Variants in NVL observed in about 807,000 individuals in gnomAD.
The protein encoded by NVL is nuclear VCP like.
In NVL, 84 loss-of-function variants were observed where a neutral mutation model predicts 110.2. That is an observed-to-expected ratio of 0.76 (90% CI 0.64 to 0.91). The LOEUF is 0.91. Among genes scored for constraint, NVL ranks in the 40% least tolerant of loss-of-function variants. The pLI is 0.00. For synonymous variants in NVL, 354 were observed against 361.1 expected, an observed-to-expected ratio of 0.98 and a Z score of 0.22; for missense variants, 882 against 1,035.9, an observed-to-expected ratio of 0.85 and a Z score of 2.04.
chr1:224,246,044 T>C (rs1261427545), intron 19 of NVL, among the ~76,000 whole-genome samples: 1 of 152,174 alleles, frequency 6.6e-6, no homozygotes, highest in African/African-American at 2.4e-5. Context: ...TTTTTTTTTT[T>C]TGGAGACAGA....
chr1:224,229,404 G>A (rs758761806), intron 22 of NVL, among the ~76,000 whole-genome samples: 2 of 152,082 alleles, frequency 1.3e-5, no homozygotes, highest in Non-Finnish European at 2.9e-5. Flanking sequence ...TGTGGTAGGT[G>A]TGTAGTAGAA....
chr1:224,283,726 G>A (rs535365534), intron 15 of NVL, among the ~76,000 whole-genome samples: 79 of 152,236 alleles, frequency 5.2e-4, no homozygotes, highest in African/African-American at 1.7e-3. Context: ...GCATTGACCT[G>A]GAGAATTCAC....
chr1:224,283,967 G>T (rs1008775596), intron 15 of NVL, among the ~76,000 whole-genome samples: 2 of 152,140 alleles, frequency 1.3e-5, no homozygotes, highest in Non-Finnish European at 1.5e-5. Flanking sequence ...CTATAATTTG[G>T]TTGCTGTTGT....
At chr1:224,317,054 G>A (rs1417195619) in intron 4 of NVL, among the ~76,000 whole-genome samples, 3 of 150,820 alleles carry the variant, frequency 2.0e-5, no homozygotes, top group Non-Finnish European at 3.0e-5. Context: ...CAAGAGAATC[G>A]CTTGAACCCG....
chr1:224,319,245 A>G (rs1406970307), intron 2 of NVL, among the ~76,000 whole-genome samples: 1 of 151,980 alleles, frequency 6.6e-6, no homozygotes, highest in East Asian at 1.9e-4. Flanking sequence ...TATCTAATAT[A>G]CAGTCCATAT....
intron 18 of NVL, among the ~76,000 whole-genome samples, chr1:224,265,122 G>A (rs1664368659): frequency 1.3e-5 from 2 of 152,054 alleles, no homozygotes; most frequent in Admixed American, 1.3e-4. Flanking sequence ...GAGTTTTAGG[G>A]GAAGACAATA....
At chr1:224,249,428 CTTAT>C (rs992127823) in intron 19 of NVL, among the ~76,000 whole-genome samples, 1 of 151,656 alleles carries the variant, frequency 6.6e-6, no homozygotes, top group South Asian at 2.1e-4. Flanking sequence ...GTTTGGCCCA[CTTAT>C]TTATTTATTT....
intron 19 of NVL, among the ~76,000 whole-genome samples, chr1:224,238,771 T>C (rs1434360364): frequency 1.3e-5 from 2 of 152,166 alleles, no homozygotes; most frequent in African/African-American, 2.4e-5. Flanking sequence ...AAGTGGGTAG[T>C]GGCTGGAAGT....
chr1:224,307,678 G>A (rs1669065741), intron 6 of NVL, among the ~76,000 whole-genome samples: 1 of 124,030 alleles, frequency 8.1e-6, no homozygotes. Flanking sequence ...CAGCCTCAGC[G>A]ACAGAGCCAG....
At chr1:224,321,309 T>G (rs945598889) in intron 2 of NVL, among the ~76,000 whole-genome samples, 2 of 152,168 alleles carry the variant, frequency 1.3e-5, no homozygotes, top group Non-Finnish European at 2.9e-5. Flanking sequence ...TAAAAGCGAT[T>G]CTTCACTCAT....
chr1:224,242,898 T>C (rs1440960241), intron 19 of NVL, among the ~76,000 whole-genome samples: 1 of 148,314 alleles, frequency 6.7e-6, no homozygotes, highest in Non-Finnish European at 1.5e-5. Flanking sequence ...CGATCTTGGC[T>C]CACTGCAACC....
rs368340291 is a variant in NVL, at chr1:224,227,580, C to G, written c.*46G>C. 1.9e-6 allele frequency: 3 copies of G among 1,585,832 alleles called. No individual in the cohort carries two copies. The highest frequency in any genetic ancestry group is 2.6e-6 in the Non-Finnish European group (3 of 1,159,134). ...TCCTTCAGAGCGTGTGGGGGATTCT[C>G]TGCCGGCTTGATGGGCTAGCTCCTC... On this transcript the variant is annotated 3_prime_UTR_variant, in exon 23 of 23. Coordinates refer to ENST00000281701, the MANE Select transcript of NVL (RefSeq NM_002533.4).
intron 1 of NVL, among the ~76,000 whole-genome samples, chr1:224,329,033 T>C (rs1035676476): frequency 1.3e-5 from 2 of 151,654 alleles, no homozygotes; most frequent in Non-Finnish European, 2.9e-5. Flanking sequence ...TGGAACCCCG[T>C]CTCTACAAAT....
chr1:224,328,135 A>G (rs1204900309), intron 1 of NVL, among the ~76,000 whole-genome samples: 1 of 152,044 alleles, frequency 6.6e-6, no homozygotes, highest in Non-Finnish European at 1.5e-5. Flanking sequence ...GGTTTGTTAC[A>G]TAGGTATACA....
In NVL at chr1:224,286,123, A is replaced by G; in HGVS notation, c.1802T>C (p.Val601Ala). The G allele has an allele frequency of 6.2e-7, 1 of 1,613,410 alleles. No homozygotes were observed. The highest frequency in any genetic ancestry group is 8.5e-7 in the Non-Finnish European group (1 of 1,179,442). ...AGCTTTGAACTGGTCTGGGTTGCGTACTGGTGCCTGGAAATAATGATACAA... is the reference window on the plus strand; with the variant it reads ...AGCTTTGAACTGGTCTGGGTTGCGTGCTGGTGCCTGGAAATAATGATACAA... ...EELTMAILAP[V>A]RNPDQFKALG... Residue 601 changes from valine to alanine, a missense_variant, in exon 15 of 23, where the codon GTA (valine) becomes GCA (alanine). Around this residue, in one of 4 missense-constraint regions of NVL, gnomAD observed 416 missense variants for 499.3 expected, o/e 0.83. Transcript: ENST00000281701.
chr1:224,272,656 G>A (rs1665248091), intron 17 of NVL, among the ~76,000 whole-genome samples: 1 of 152,068 alleles, frequency 6.6e-6, no homozygotes, highest in Non-Finnish European at 1.5e-5. Context: ...GGCAGAGGCT[G>A]CAGTGAGCTG....
intron 16 of NVL, among the ~76,000 whole-genome samples, chr1:224,279,945 A>G (rs1256824002): frequency 6.6e-6 from 1 of 152,030 alleles, no homozygotes; most frequent in Non-Finnish European, 1.5e-5. Context: ...CAGCCTCCCA[A>G]AGTGCTGGGG....
At position 224,243,755 on chromosome 1, in the gene NVL, G is replaced by A. The variant is rs1478243033; in HGVS notation, c.2289+6457C>T. Among the ~76,000 whole-genome samples, 7 of 146,914 alleles carry A rather than the reference G, an allele frequency of 4.8e-5. No individual in the cohort carries two copies. The South Asian group carries it at 8.7e-4, about 18-fold the overall frequency. ...CGGCTCACTGCAACCTCCACCTCCC[G>A]GGTTCAAGAGATTCTCCTGCCTTAG... On this transcript the variant is annotated intron_variant, in intron 19 of 22. Transcript: ENST00000281701.
chr1:224,293,098 C>T (rs1667531656), intron 12 of NVL, among the ~76,000 whole-genome samples: 1 of 141,660 alleles, frequency 7.1e-6, no homozygotes, highest in African/African-American at 2.6e-5. Flanking sequence ...GAGACAGAGT[C>T]TTGCTCTGTC....
Sources: allele counts gnomAD v4.1 joint callset (sites outside exome capture counted in the v4.1 genomes callset), GRCh38; gene constraint gnomAD v4.1.1; regional missense constraint gnomAD v4.1.1; transcripts MANE v1.5; gene names NCBI Gene and HGNC (gene_info 2026-07-23, HGNC 2026-07-21).